The following RBFOX1 variants were observed in gnomAD, a reference collection of about 807,000 sequenced individuals.
RBFOX1 encodes RNA binding fox-1 homolog 1.
RBFOX1 carries 8 observed loss-of-function variants against 57.7 expected under a neutral mutation model. The ratio of observed to expected loss-of-function variants is 0.14; its 90% CI spans 0.08 to 0.25. The LOEUF is 0.25. Among genes scored for constraint, RBFOX1 ranks in the 10% least tolerant of loss-of-function variants. The pLI is 1.00. For missense variants in RBFOX1, 611 were observed against 548.5 expected (o/e 1.11, Z -1.14); for synonymous variants, 326 against 222.4 (o/e 1.47, Z -4.15).
At chr16:7,667,675 C>G (rs571927977) in intron 13 of RBFOX1, among the ~76,000 whole-genome samples, 1 of 108,636 alleles carries the variant, frequency 9.2e-6, no homozygotes, top group African/African-American at 3.5e-5. Flanking sequence ...AGATTTAAAC[C>G]TCTTTTTGTT....
chr16:6,563,296 T>C (rs2097209240), intron 2 of RBFOX1, among the ~76,000 whole-genome samples: 1 of 152,192 alleles, frequency 6.6e-6, no homozygotes, highest in Non-Finnish European at 1.5e-5. Flanking sequence ...TTTATGAACA[T>C]TTACTGAGAG....
intron 3 of RBFOX1, among the ~76,000 whole-genome samples, chr16:6,910,415 A>T (rs976913996): frequency 6.6e-6 from 1 of 152,168 alleles, no homozygotes; most frequent in African/African-American, 2.4e-5. Context: ...TATCTCAGGA[A>T]TTCTGTCCCC....
chr16:6,960,974 A>AG, intron 3 of RBFOX1, among the ~76,000 whole-genome samples: 1 of 70,204 alleles, frequency 1.4e-5, no homozygotes. Flanking sequence ...CTGAAAATAC[A>AG]AAAAAAAAAA....
rs543496827 is a variant in RBFOX1 at position 5,627,887 on chromosome 16, A to AG, written c.318+28932dup. Among the ~76,000 whole-genome samples the AG allele has an allele frequency of 8.5e-5, 13 of 152,302 alleles. No homozygotes were observed. The East Asian group carries it at 1.3e-3, about 16-fold the overall frequency. ...GCATTCATGGATTTTAGTATCCACA[A>AG]GGGGGGTCCTGGAACAAATCCCTCA... On this transcript the variant is annotated intron_variant, in intron 3 of 19. Coordinates refer to the RBFOX1 transcript ENST00000641259.
chr16:7,127,433 A>G (rs1224607384), intron 4 of RBFOX1, among the ~76,000 whole-genome samples: 1 of 152,200 alleles, frequency 6.6e-6, no homozygotes, highest in African/African-American at 2.4e-5. Flanking sequence ...CCCATCTTAT[A>G]TATACTGTTA....
intron 4 of RBFOX1, among the ~76,000 whole-genome samples, chr16:7,337,886 T>C (rs2096823414): frequency 2.0e-5 from 3 of 152,172 alleles, no homozygotes; most frequent in South Asian, 2.1e-4. Context: ...GGTTTCACCA[T>C]GTTGGTTAGG....
At chr16:5,755,874 A>C (rs2053376628) in intron 3 of RBFOX1, among the ~76,000 whole-genome samples, 1 of 152,184 alleles carries the variant, frequency 6.6e-6, no homozygotes, top group African/African-American at 2.4e-5. Context: ...CTGGAATTAC[A>C]GGCGTGAGCT....
intron 4 of RBFOX1, among the ~76,000 whole-genome samples, chr16:7,458,509 G>C (rs1598912590): frequency 6.6e-6 from 1 of 152,000 alleles, no homozygotes; most frequent in Non-Finnish European, 1.5e-5. Flanking sequence ...TTATTTTACT[G>C]TTGCTTATTT....
chr16:7,077,703 G>A (rs2058523302), intron 4 of RBFOX1, among the ~76,000 whole-genome samples: 1 of 152,154 alleles, frequency 6.6e-6, no homozygotes, highest in Non-Finnish European at 1.5e-5. Flanking sequence ...CTGTCGGGTT[G>A]ATAGAAATGG....
intron 4 of RBFOX1, among the ~76,000 whole-genome samples, chr16:7,109,739 G>C (rs1186417313): frequency 6.6e-6 from 1 of 152,098 alleles, no homozygotes; most frequent in Non-Finnish European, 1.5e-5. Context: ...GGTCATTCCA[G>C]ATCCAAAAAA....
rs556297758 is a variant in RBFOX1, at chr16:5,493,586, CA to C, written c.258+26333del. On this transcript the variant is annotated intron_variant, in intron 2 of 2. Transcript: ENST00000585867. The stretch of plus-strand genomic sequence containing the variant: ...CTGATTGATGGGACAGAATATTTTC[CA>C]TACACACCTATCATGGGCAAATGTA... Among the ~76,000 whole-genome samples, 342 of 152,328 alleles carry C rather than the reference CA, an allele frequency of 2.2e-3. 2 individuals carry two copies. Among genetic ancestry groups the C allele is most frequent in the Non-Finnish European group, 3.6e-3 (244 of 68,038 alleles).
At chr16:6,859,127 A>ATATATATATATATATG (rs1555536694) in intron 3 of RBFOX1, among the ~76,000 whole-genome samples, 6 of 67,912 alleles carry the variant, frequency 8.8e-5, no homozygotes, top group African/African-American at 6.1e-4. Context: ...ATATATATAT[A>ATATATATATATATATG]TACATATATA....
chr16:6,714,993 T>G (rs2064492727), intron 3 of RBFOX1, among the ~76,000 whole-genome samples: 1 of 152,000 alleles, frequency 6.6e-6, no homozygotes, highest in South Asian at 2.1e-4. Context: ...ATGGGTAAGG[T>G]GGTCACAGGA....
chr16:6,935,360 G>T (rs985351290), intron 3 of RBFOX1, among the ~76,000 whole-genome samples: 19 of 152,096 alleles, frequency 1.2e-4, no homozygotes, highest in African/African-American at 4.3e-4. Flanking sequence ...CCCTCCCCAT[G>T]AATAGAATAG....
intron 3 of RBFOX1, among the ~76,000 whole-genome samples, chr16:6,719,507 C>G (rs2065512755): frequency 6.6e-6 from 1 of 151,106 alleles, no homozygotes; most frequent in African/African-American, 2.4e-5. Context: ...GTGGCATGAT[C>G]TTGGCTCACT....
chr16:5,825,371 A>C (rs761051533), intron 3 of RBFOX1, among the ~76,000 whole-genome samples: 7 of 152,144 alleles, frequency 4.6e-5, no homozygotes, highest in Non-Finnish European at 8.8e-5. Context: ...TTCCACCTTC[A>C]TGCTCATTTC....
intron 5 of RBFOX1, among the ~76,000 whole-genome samples, chr16:7,544,191 C>T (rs1239452077): frequency 6.6e-6 from 1 of 152,230 alleles, no homozygotes. Context: ...TTTCACACCT[C>T]TGTCCTTTGG....
intron 4 of RBFOX1, among the ~76,000 whole-genome samples, chr16:7,213,309 G>A (rs1028383248): frequency 1.3e-5 from 2 of 152,238 alleles, no homozygotes; most frequent in South Asian, 2.1e-4. Flanking sequence ...AAAAAATCAC[G>A]TTGCATGGAT....
intron 2 of RBFOX1, among the ~76,000 whole-genome samples, chr16:5,500,086 CTTCCCTCCA>C (rs2043134102): frequency 1.3e-5 from 2 of 150,980 alleles, no homozygotes; most frequent in Admixed American, 6.6e-5. Flanking sequence ...GCCTTCCTGC[CTTCCCTCCA>C]TTCCCTCCCT....
Sources: allele counts gnomAD v4.1 joint callset (sites outside exome capture counted in the v4.1 genomes callset), GRCh38; gene constraint gnomAD v4.1.1; transcripts MANE v1.5; gene names NCBI Gene and HGNC (gene_info 2026-07-23, HGNC 2026-07-21).